Variants in ITCH observed in about 807,000 individuals in gnomAD.
The protein encoded by ITCH is E3 ubiquitin-protein ligase Itchy homolog.
In ITCH, 28 loss-of-function variants were observed where a neutral mutation model predicts 126.8. The observed-to-expected ratio is 0.22, with a 90% CI of 0.16 to 0.30. The LOEUF is 0.30. ITCH is among the 10% of genes least tolerant of loss of function. The probability of loss-of-function intolerance (pLI) is 1.00; values close to 1 mark genes in which losing one functional copy is unlikely to be tolerated. For synonymous variants in ITCH, 342 were observed against 340.0 expected (o/e 1.01, Z -0.06); for missense variants, 631 against 1,032.4 (o/e 0.61, Z 5.33).
intron 2 of ITCH, among the ~76,000 whole-genome samples, chr20:34,386,807 ATGTT>A (rs1409890206): frequency 9.2e-5 from 14 of 152,188 alleles, no homozygotes; most frequent in Admixed American, 8.5e-4. Flanking sequence ...AAGGCTATAA[ATGTT>A]TGTTGCTTAA....
intron 24 of ITCH, among the ~76,000 whole-genome samples, chr20:34,507,375 A>T (rs1990707291): frequency 7.0e-6 from 1 of 142,270 alleles, no homozygotes; most frequent in Non-Finnish European, 1.5e-5. Flanking sequence ...TTTTATTTGC[A>T]TGGTAAAGGA....
chr20:34,471,401 A>C (rs149495454), intron 15 of ITCH, 43 bp from the exon 16 acceptor site: 32 of 1,171,962 alleles, frequency 2.7e-5, no homozygotes, highest in Non-Finnish European at 4.0e-5. Context: ...TTGATAGGCT[A>C]TTTTAATGAT....
intron 3 of ITCH, among the ~76,000 whole-genome samples, chr20:34,396,770 C>T (rs1257414503): frequency 6.6e-6 from 1 of 152,078 alleles, no homozygotes; most frequent in Non-Finnish European, 1.5e-5. Flanking sequence ...GGAGAAATGT[C>T]TGTTCACGTC....
chr20:34,413,448 T>C (rs1030736951), intron 5 of ITCH, among the ~76,000 whole-genome samples: 3 of 152,168 alleles, frequency 2.0e-5, no homozygotes, highest in Admixed American at 6.5e-5. Flanking sequence ...CTTATTCTTA[T>C]GCTAGCCCAT....
chr20:34,498,823 G>A (rs535635169), intron 23 of ITCH, among the ~76,000 whole-genome samples: 2 of 150,722 alleles, frequency 1.3e-5, no homozygotes, highest in Non-Finnish European at 3.0e-5. Context: ...GTCTAGTTTT[G>A]GTATCAGGGT....
intron 10 of ITCH, among the ~76,000 whole-genome samples, chr20:34,443,832 AG>A (rs1220327953): frequency 2.6e-5 from 4 of 152,056 alleles, no homozygotes; most frequent in African/African-American, 9.7e-5. Context: ...AGAAAGAAAA[AG>A]AAATTAGCTG....
intron 12 of ITCH, among the ~76,000 whole-genome samples, chr20:34,453,869 C>CT (rs1985549952): frequency 1.3e-5 from 2 of 151,686 alleles, no homozygotes; most frequent in South Asian, 4.2e-4. Context: ...TGGTGGACGT[C>CT]TGTAGTACCA....
chr20:34,441,279 A>G (rs1238994890), intron 9 of ITCH, among the ~76,000 whole-genome samples: 3 of 152,196 alleles, frequency 2.0e-5, no homozygotes, highest in African/African-American at 7.2e-5. Context: ...TCTTGGGGAA[A>G]AAAGAAAAAT....
intron 16 of ITCH, among the ~76,000 whole-genome samples, chr20:34,473,227 AAC>A (rs1568980517): frequency 6.6e-6 from 1 of 152,364 alleles, no homozygotes; most frequent in East Asian, 1.9e-4. Flanking sequence ...TTCTTCTGTT[AAC>A]ACAGCACAAC....
intron 23 of ITCH, among the ~76,000 whole-genome samples, chr20:34,496,131 T>G (rs1003884272): frequency 6.6e-6 from 1 of 152,066 alleles, no homozygotes; most frequent in African/African-American, 2.4e-5. Context: ...GTTCCTCTTT[T>G]TCCACATCCT....
chr20:34,458,448 T>C (rs984076814), intron 13 of ITCH, among the ~76,000 whole-genome samples: 1 of 152,202 alleles, frequency 6.6e-6, no homozygotes, highest in Non-Finnish European at 1.5e-5. Context: ...ATTACAGAAA[T>C]AATGTTTTGA....
intron 3 of ITCH, among the ~76,000 whole-genome samples, chr20:34,403,537 A>AT (rs2038955896): frequency 1.3e-5 from 2 of 152,208 alleles, no homozygotes; most frequent in Non-Finnish European, 2.9e-5. Flanking sequence ...TTCAACATGT[A>AT]TATTAAATAC....
At chr20:34,384,578 T>C (rs949482261) in intron 2 of ITCH, among the ~76,000 whole-genome samples, 4 of 151,914 alleles carry the variant, frequency 2.6e-5, no homozygotes, top group Middle Eastern at 3.4e-3. Flanking sequence ...CGTGCCCAGC[T>C]GCCTGTAATT....
chr20:34,425,814 A>G (rs1981439567), intron 7 of ITCH, among the ~76,000 whole-genome samples: 2 of 152,258 alleles, frequency 1.3e-5, no homozygotes, highest in African/African-American at 2.4e-5. Flanking sequence ...ATAGTGATCA[A>G]TAAATACTAA....
At chr20:34,454,200 C>T (rs991482539) in intron 12 of ITCH, among the ~76,000 whole-genome samples, 5 of 148,398 alleles carry the variant, frequency 3.4e-5, no homozygotes, top group South Asian at 4.3e-4. Context: ...TGCAGTGGCG[C>T]GATCTCGGCT....
At chr20:34,386,237 CA>C (rs2038280393) in intron 2 of ITCH, among the ~76,000 whole-genome samples, 1 of 151,930 alleles carries the variant, frequency 6.6e-6, no homozygotes, top group South Asian at 2.1e-4. Context: ...TAGCTGGGAT[CA>C]CAGGTGCCTG....
intron 11 of ITCH, among the ~76,000 whole-genome samples, chr20:34,447,173 ATT>A (rs11341610): frequency 0.011 from 1,532 of 144,782 alleles, 16 homozygotes; most frequent in African/African-American, 0.032. Context: ...AGTCTTTGGA[ATT>A]TTTTTTTTTT....
chr20:34,476,258 T>C, intron 16 of ITCH: 2 of 820,234 alleles, frequency 2.4e-6, no homozygotes, highest in Non-Finnish European at 4.4e-6. Flanking sequence ...CCATCACAGT[T>C]TATAAAGTGG....
chr20:34,481,405 G>T (rs1051829056), intron 20 of ITCH, among the ~76,000 whole-genome samples, 199 bp downstream of exon 20: 1 of 152,022 alleles, frequency 6.6e-6, no homozygotes, highest in African/African-American at 2.4e-5. Flanking sequence ...TAAAAGTCAT[G>T]CAGGATCACT....
Sources: gnomAD v4.1 joint callset for allele counts (sites outside exome capture counted in the v4.1 genomes callset) on GRCh38, gnomAD v4.1.1 for gene constraint, MANE v1.5 for transcripts, NCBI Gene and HGNC (gene_info 2026-07-23, HGNC 2026-07-21) for gene names.